AGRN: variants seen among roughly 807,000 people sequenced by gnomAD.
AGRN encodes agrin, also known as agrin proteoglycan.
A neutral mutation model predicts 211.0 loss-of-function variants in AGRN; 106 were observed. That is an observed-to-expected ratio of 0.50 (90% CI 0.43 to 0.59). The LOEUF is 0.59. Ranked by LOEUF, AGRN falls within the 20% of genes least tolerant of loss-of-function variation. The pLI, the probability that AGRN is intolerant of heterozygous loss-of-function variation, is 0.00. For synonymous variants in AGRN, 1,525 were observed against 1,332.5 expected, an observed-to-expected ratio of 1.14 and a Z score of -3.15; for missense variants, 3,040 against 2,982.6, an observed-to-expected ratio of 1.02 and a Z score of -0.45.
chr1:1,022,065 C>A, intron 1 of AGRN, 136 bp from the exon 2 acceptor site: 1 of 1,132,572 alleles, frequency 8.8e-7, no homozygotes, highest in Non-Finnish European at 1.3e-6. Context: ...GCCCAGCGGG[C>A]TGACTCAGAG....
In AGRN at chr1:1,047,323, A is replaced by G; in HGVS notation, c.3389-4A>G. On this transcript the variant is annotated splice_polypyrimidine_tract_variant and splice_region_variant and intron_variant, in intron 19 of 35. Transcript: ENST00000379370. The stretch of plus-strand genomic sequence containing the variant: ...GGCAGGGCCTCACTGTACCTCCCCC[A>G]CAGCCACCAAGGTGTTCCAGGGCGT... The G allele has an allele frequency of 6.3e-7, 1 of 1,597,920 alleles. No homozygotes were observed. Among genetic ancestry groups the G allele is most frequent in the Non-Finnish European group, 8.5e-7 (1 of 1,172,924 alleles).
At position 1,042,101 on chromosome 1, in the gene AGRN, G is replaced by A. The variant is rs1557702487; in HGVS notation, c.1323G>A (p.Trp441Ter). ...GGCGCACGTATGACAGTGATTGCTG[G>A]CGGCAGCAGGCTGAGTGCCGGCAGC... ...QDGRTYDSDC[W>*]RQQAECRQQR... Residue 441 changes from tryptophan to a stop codon, truncating the protein, a stop_gained, in exon 7 of 36, where the codon TGG becomes TGA. Transcript: ENST00000379370. LOFTEE classifies it high-confidence loss of function. The A allele has an allele frequency of 6.2e-7, 1 of 1,603,108 alleles. No individual in the cohort carries two copies. The highest frequency in any genetic ancestry group is 1.7e-5 in the Admixed American group (1 of 59,930).
In AGRN at chr1:1,043,234, C is replaced by T. The variant is rs760850916; in HGVS notation, c.1385-5C>T. On this transcript the variant is annotated splice_polypyrimidine_tract_variant and splice_region_variant and intron_variant, in intron 7 of 35. Transcript: ENST00000379370. ...GGGACCACTGAGCCCCTGTGTCCTT[C>T]CCAGACCAGGCCCCGTCCCCATGCC... 3.1e-6 allele frequency: 5 copies of T among 1,598,180 alleles called. No homozygotes were observed. The highest frequency in any genetic ancestry group is 4.3e-6 in the Non-Finnish European group (5 of 1,174,110).
Position 1,041,537 on chromosome 1 carries a change from CGGCGCCCTGAG to C in AGRN, c.1013_1023del (p.Arg338HisfsTer81). 1 of 1,605,606 alleles carries C rather than the reference CGGCGCCCTGAG, an allele frequency of 6.2e-7. No individual in the cohort carries two copies. Among genetic ancestry groups the C allele is most frequent in the Non-Finnish European group, 8.5e-7 (1 of 1,179,072 alleles). Reference sequence around the variant, plus strand: ...CAGCTGCCGTGTGAACCCGCGCACGCGGCGCCCTGAGATGCTCCTACGGCCCGAGAGCTGCC... The same window carrying C: ...CAGCTGCCGTGTGAACCCGCGCACGCATGCTCCTACGGCCCGAGAGCTGCC... On this transcript the variant is annotated frameshift_variant, in exon 6 of 36. Transcript: ENST00000379370. LOFTEE classifies it high-confidence loss of function.
In AGRN at chr1:1,046,893, C is replaced by T. The variant is rs367614282; in HGVS notation, c.3324C>T (p.Ser1108=). The T allele has an allele frequency of 5.4e-5, 86 of 1,584,152 alleles. No individual in the cohort carries two copies. Among genetic ancestry groups the T allele is most frequent in the Middle Eastern group, 1.7e-4 (1 of 6,038 alleles). ...TCGAGAGGGCTTCCTGCTACAACTC[C>T]GCGTTGGGCTGCTGCTCTGATGGGA... ...PPVERASCYN[S]ALGCCSDGKT... Residue 1108 remains serine, a synonymous_variant, in exon 19 of 36, where the codon TCC becomes TCT. Coordinates refer to ENST00000379370, the MANE Select transcript of AGRN (RefSeq NM_198576.4).
rs147010850 is a variant in AGRN at position 1,048,481 on chromosome 1, G to A, written c.4105+116G>A. On this transcript the variant is annotated intron_variant, in intron 23 of 35. Transcript: ENST00000379370. The surrounding 1 kb of genome is among the most constrained non-coding windows in gnomAD (Gnocchi z 5.9). ...TGGGGGCAGGAGCCCGGATTAAGGC[G>A]GGGTTTCGGCCAGATGCGGTGGCTC... The A allele has an allele frequency of 1.2e-5, 11 of 954,902 alleles. No individual in the cohort carries two copies. Among genetic ancestry groups the A allele is most frequent in the Admixed American group, 3.0e-5 (1 of 32,982 alleles). 59.2% of individuals were successfully genotyped at this position (954,902 alleles called of 1,614,324 possible). A position where few individuals can be genotyped will look rare whatever the true frequency, so the allele number is the denominator to read the frequency against.
Position 1,032,271 on chromosome 1 carries a change from T to G in AGRN, c.464-3006T>G, listed in dbSNP as rs557892356. ...ACCAGGTTCCAGGGCCGTAGAGATG[T>G]GGAGGCCTCCTGTCTGGGTGATGGG... On this transcript the variant is annotated intron_variant, in intron 2 of 35. Coordinates refer to ENST00000379370, the MANE Select transcript of AGRN (RefSeq NM_198576.4). The surrounding 1 kb of genome is among the most constrained non-coding windows in gnomAD (Gnocchi z 4.7). Among the ~76,000 whole-genome samples the G allele has an allele frequency of 6.6e-6, 1 of 152,236 alleles. No homozygotes were observed. Among genetic ancestry groups the G allele is most frequent in the South Asian group, 2.1e-4 (1 of 4,822 alleles).
chr1:1,027,948 ACCGGCCCACGGCCGCC>A (rs769852205), intron 2 of AGRN, among the ~76,000 whole-genome samples: 1 of 151,996 alleles, frequency 6.6e-6, no homozygotes, highest in African/African-American at 2.4e-5. Flanking sequence ...AAGCACAAAC[ACCGGCCCACGGCCGCC>A]CCGGCCCACA....
At position 1,049,857 on chromosome 1, in the gene AGRN, G is replaced by A. The variant is rs368029440; in HGVS notation, c.4745-46G>A. On this transcript the variant is annotated intron_variant, in intron 26 of 35. Transcript: ENST00000379370. The stretch of plus-strand genomic sequence containing the variant: ...CGGGGCCTGTGGGCGGTACCCAACC[G>A]ACGCCTCCTGGGACCTCGGTCCCGG... 9.4e-4 allele frequency: 1,516 copies of A among 1,611,336 alleles called. 4 individuals carry two copies. The highest frequency in any genetic ancestry group is 1.1e-3 in the Non-Finnish European group (1,311 of 1,179,422).
rs764956867 is a variant in AGRN, at chr1:1,035,285, G to A, written c.472G>A (p.Gly158Arg). 63 of 1,612,994 alleles carry A rather than the reference G, an allele frequency of 3.9e-5. No individual in the cohort carries two copies. The highest frequency in any genetic ancestry group is 4.8e-5 in the Non-Finnish European group (57 of 1,179,986). Residue 158 changes from glycine to arginine, a missense_variant, in exon 3 of 36, where the codon GGG becomes AGG. By Grantham distance (125) the Gly-to-Arg change is moderately radical. Transcript: ENST00000379370. Reference sequence around the variant, plus strand: ...GATTTGTTTTCTTCCAGATAAACCCGGGACCCACTTCACTCCAGTGCCTCC... The same window carrying A: ...GATTTGTTTTCTTCCAGATAAACCCAGGACCCACTTCACTCCAGTGCCTCC... ...EVEFCVEDKP[G>R]THFTPVPPTP...
intron 3 of AGRN, among the ~76,000 whole-genome samples, chr1:1,035,659 G>A (rs538309059): frequency 3.9e-5 from 6 of 152,344 alleles, no homozygotes; most frequent in South Asian, 4.1e-4. Context: ...AGGGGGCTCC[G>A]CTCTATTGTC....
At position 1,049,273 on chromosome 1, in the gene AGRN, G is replaced by A; in HGVS notation, c.4336G>A (p.Ala1446Thr). 1 of 1,595,282 alleles carries A rather than the reference G, an allele frequency of 6.3e-7. No homozygotes were observed. The highest frequency in any genetic ancestry group is 1.7e-4 in the Middle Eastern group (1 of 6,046). Residue 1446 changes from alanine to threonine, a missense_variant, in exon 25 of 36, where the codon GCC becomes ACC. Around this residue, in one of 3 missense-constraint regions of AGRN, gnomAD observed 1,537 missense variants for 1,505.0 expected, o/e 1.02. Transcript: ENST00000379370. Reference sequence around the variant, plus strand: ...TTCGGGGCCGGCGGTGCTGACCAGTGCCGTGCCGGTAGAGCCGGGCCAGTG... The same window carrying A: ...TTCGGGGCCGGCGGTGCTGACCAGTACCGTGCCGGTAGAGCCGGGCCAGTG... ...TGSGPAVLTS[A>T]VPVEPGQWHR...
At position 1,040,763 on chromosome 1, in the gene AGRN, A is replaced by G. The variant is rs1165997776; in HGVS notation, c.610A>G (p.Ser204Gly). Residue 204 changes from serine (S) to glycine (G), a missense_variant, in exon 4 of 36, where the codon AGC (serine) becomes GGC (glycine). Transcript: ENST00000379370. Reference sequence around the variant, plus strand: ...CGTCTGCAAGAAGAGCCCGTGCCCCAGCGTGGTGGCGCCTGTGTGTGGGTC... The same window carrying G: ...CGTCTGCAAGAAGAGCCCGTGCCCCGGCGTGGTGGCGCCTGTGTGTGGGTC... The part of the protein sequence containing the change: ...SCVCKKSPCP[S>G]VVAPVCGSDA... 6.5e-7 allele frequency: 1 copy of G among 1,541,878 alleles called. No homozygotes were observed. Among genetic ancestry groups the G allele is most frequent in the Non-Finnish European group, 8.7e-7 (1 of 1,147,252 alleles).
At chr1:1,044,989 T>A (rs1557707515) in intron 12 of AGRN, among the ~76,000 whole-genome samples, 172 bp from the exon 13 acceptor site, 1 of 152,186 alleles carries the variant, frequency 6.6e-6, no homozygotes. Flanking sequence ...TGTTCTTGCG[T>A]AAGATGTGGG....
intron 33 of AGRN, chr1:1,052,668 CATGT>C (rs1645337795): frequency 6.3e-6 from 1 of 159,100 alleles, no homozygotes; most frequent in Non-Finnish European, 1.3e-5. Flanking sequence ...TGCATGGGTC[CATGT>C]GTGTATAGTG....
At chr1:1,052,019 G>A in intron 33 of AGRN, 2 of 1,530,274 alleles carry the variant, frequency 1.3e-6, no homozygotes, top group South Asian at 1.2e-5. Context: ...ATCCCCGTGT[G>A]AGTAGAGCTC....
intron 3 of AGRN, among the ~76,000 whole-genome samples, chr1:1,038,975 G>A (rs2488997): frequency 0.88 from 134,043 of 152,104 alleles, 59,613 homozygotes; most frequent in East Asian, 1. Flanking sequence ...TATACTTACA[G>A]TGGCAGCAGA....
At chr1:1,039,980 T>C (rs2100626094) in intron 3 of AGRN, among the ~76,000 whole-genome samples, 1 of 152,072 alleles carries the variant, frequency 6.6e-6, no homozygotes, top group South Asian at 2.1e-4. Flanking sequence ...GGGGAAGAGT[T>C]GGGGAGAGGG....
At chr1:1,054,355 C>T (rs1463930473) in intron 34 of AGRN, 93 bp from the exon 35 acceptor site, 1 of 1,210,654 alleles carries the variant, frequency 8.3e-7, no homozygotes, top group Non-Finnish European at 1.2e-6. Context: ...GGCTGAGGCA[C>T]CTGCAGGGCA....
Sources: gnomAD v4.1 joint callset for allele counts (sites outside exome capture counted in the v4.1 genomes callset) on GRCh38, gnomAD v4.1.1 for gene constraint, gnomAD v4.1.1 regional missense constraint, Gnocchi (gnomAD v3.1) non-coding constraint, MANE v1.5 for transcripts, NCBI Gene and HGNC (gene_info 2026-07-23, HGNC 2026-07-21) for gene names.